The following RANBP17 variants were observed in gnomAD, a reference collection of about 807,000 sequenced individuals.
RANBP17 encodes the protein ran-binding protein 17.
In RANBP17, 158 loss-of-function variants were observed where a neutral mutation model predicts 141.2. The observed-to-expected ratio is 1.12, with a 90% confidence interval of 0.98 to 1.28. The LOEUF (loss-of-function observed/expected upper bound fraction) is 1.28. Ranked by LOEUF, RANBP17 falls within the 50% of genes most tolerant of loss-of-function variation. The probability of loss-of-function intolerance (pLI) is 0.00; values close to 1 mark genes in which losing one functional copy is unlikely to be tolerated. For missense variants in RANBP17, 1,438 were observed against 1,290.7 expected, an observed-to-expected ratio of 1.11 and a Z score of -1.75; for synonymous variants, 430 against 450.0, an observed-to-expected ratio of 0.96 and a Z score of 0.56.
At chr5:171,231,326 C>G (rs565419211) in intron 22 of RANBP17, among the ~76,000 whole-genome samples, 112 of 152,114 alleles carry the variant, frequency 7.4e-4, no homozygotes, top group African/African-American at 2.6e-3. Context: ...ACATGATTCC[C>G]TCCTATATGA....
At chr5:170,866,742 G>A (rs1330967694) in intron 1 of RANBP17, 1 of 151,894 alleles carries the variant, frequency 6.6e-6, no homozygotes, top group Non-Finnish European at 1.5e-5. Flanking sequence ...CACATTTTTG[G>A]GTGATTTTTT....
chr5:170,936,278 G>A (rs11741568), intron 12 of RANBP17, among the ~76,000 whole-genome samples: 16,832 of 152,122 alleles, frequency 0.11, 1,249 homozygotes, highest in Non-Finnish European at 0.16. Flanking sequence ...TAGGTGGGCT[G>A]CACCGACTTG....
At chr5:170,949,878 G>A (rs1581218125) in intron 12 of RANBP17, among the ~76,000 whole-genome samples, 1 of 152,106 alleles carries the variant, frequency 6.6e-6, no homozygotes, top group East Asian at 1.9e-4. Context: ...AACCAAAACA[G>A]CATGGTATTG....
chr5:171,159,605 G>T (rs998254677), intron 14 of RANBP17, among the ~76,000 whole-genome samples: 1 of 152,058 alleles, frequency 6.6e-6, no homozygotes, highest in Admixed American at 6.6e-5. Flanking sequence ...CTGGACCCCC[G>T]TGTCTGTGTA....
At chr5:170,916,647 A>C in intron 9 of RANBP17, 63 bp downstream of exon 9, 3 of 1,066,974 alleles carry the variant, frequency 2.8e-6, no homozygotes, top group East Asian at 5.2e-5. Context: ...AAAGGCACAT[A>C]ATAAACTCAT....
chr5:171,171,879 T>G (rs1760124895), intron 16 of RANBP17, among the ~76,000 whole-genome samples: 1 of 151,994 alleles, frequency 6.6e-6, no homozygotes, highest in African/African-American at 2.4e-5. Flanking sequence ...CATTAAATGT[T>G]TAGATTTCTC....
At chr5:170,994,282 G>A (rs1778687051) in intron 14 of RANBP17, among the ~76,000 whole-genome samples, 1 of 152,012 alleles carries the variant, frequency 6.6e-6, no homozygotes. Context: ...ATTTGAATTG[G>A]TAGAAAATTA....
intron 25 of RANBP17, among the ~76,000 whole-genome samples, chr5:171,277,663 ATATATTTATG>A (rs1337656367): frequency 1.5e-5 from 2 of 135,216 alleles, no homozygotes; most frequent in Admixed American, 7.4e-5. Flanking sequence ...ATATATATAT[ATATATTTATG>A]TCTTACAGCT....
intron 14 of RANBP17, among the ~76,000 whole-genome samples, chr5:171,049,463 CTTTAG>C (rs1340756251): frequency 1.3e-5 from 2 of 152,098 alleles, no homozygotes; most frequent in Non-Finnish European, 2.9e-5. Context: ...TGCAGAAGCT[CTTTAG>C]TTTAATTAGG....
At position 171,213,649 on chromosome 5, in the gene RANBP17, C is replaced by G; in HGVS notation, c.2250C>G (p.Pro750=). 6.2e-7 allele frequency: 1 copy of G among 1,613,542 alleles called. No individual in the cohort carries two copies. The highest frequency in any genetic ancestry group is 1.1e-5 in the South Asian group (1 of 91,042). ...LFDWMYPTYL[P]LLQNAVERWY... ...ATAAAAGGTACCCAACGTACCTTCC[C>G]CTTCTTCAGAATGCTGTTGAACGGT... The change falls in exon 21 of 28, where the codon CCC becomes CCG. Residue 750 remains proline, a synonymous_variant. Coordinates refer to ENST00000523189, the MANE Select transcript of RANBP17 (RefSeq NM_022897.5).
intron 8 of RANBP17, among the ~76,000 whole-genome samples, chr5:170,915,337 A>G (rs1408808074): frequency 6.6e-6 from 1 of 152,126 alleles, no homozygotes; most frequent in East Asian, 1.9e-4. Context: ...AAAAATCCCT[A>G]CTATGTAGAC....
At chr5:170,881,078 A>G (rs780397941) in intron 2 of RANBP17, among the ~76,000 whole-genome samples, 2 of 140,468 alleles carry the variant, frequency 1.4e-5, no homozygotes, top group Non-Finnish European at 3.1e-5. Flanking sequence ...CAGATTTCAT[A>G]TATTTTTCTG....
At chr5:170,966,787 A>G (rs1391857946) in intron 13 of RANBP17, among the ~76,000 whole-genome samples, 4 of 152,252 alleles carry the variant, frequency 2.6e-5, no homozygotes, top group African/African-American at 9.6e-5. Flanking sequence ...TTGTATATCT[A>G]GAAAACCCCA....
At chr5:170,901,078 C>T (rs1480305218) in intron 5 of RANBP17, among the ~76,000 whole-genome samples, 2 of 152,132 alleles carry the variant, frequency 1.3e-5, no homozygotes, top group African/African-American at 4.8e-5. Context: ...AATTTTCTTT[C>T]TCGTTGATCT....
At chr5:170,945,720 C>G (rs897302347) in intron 12 of RANBP17, among the ~76,000 whole-genome samples, 2 of 152,022 alleles carry the variant, frequency 1.3e-5, no homozygotes, top group African/African-American at 4.8e-5. Flanking sequence ...GCAGGTATTT[C>G]TATGTTTACA....
chr5:171,097,534 G>A (rs944203059), intron 14 of RANBP17, among the ~76,000 whole-genome samples: 5 of 151,124 alleles, frequency 3.3e-5, no homozygotes, highest in African/African-American at 1.2e-4. Context: ...AAATGAAATG[G>A]GTGTCTAAGA....
chr5:171,266,364 C>T (rs1766679727), intron 25 of RANBP17, among the ~76,000 whole-genome samples: 1 of 152,146 alleles, frequency 6.6e-6, no homozygotes, highest in South Asian at 2.1e-4. Flanking sequence ...TCAATAACAT[C>T]TAACTAATAA....
At chr5:171,098,947 C>G (rs905433655) in intron 14 of RANBP17, among the ~76,000 whole-genome samples, 16 of 152,210 alleles carry the variant, frequency 1.1e-4, no homozygotes, top group African/African-American at 3.6e-4. Context: ...TTTCTGAGGG[C>G]TCTGTTCTGT....
chr5:171,220,739 C>T (rs1763507435), intron 21 of RANBP17, among the ~76,000 whole-genome samples: 5 of 152,182 alleles, frequency 3.3e-5, no homozygotes, highest in South Asian at 2.1e-4. Flanking sequence ...TGAGCCACCG[C>T]GCCTGGTCCA....
Sources: gnomAD v4.1 joint callset for allele counts (sites outside exome capture counted in the v4.1 genomes callset) on GRCh38, gnomAD v4.1.1 for gene constraint, MANE v1.5 for transcripts, NCBI Gene and HGNC (gene_info 2026-07-23, HGNC 2026-07-21) for gene names.